The following HIP1 variants were observed in gnomAD, a reference collection of about 807,000 sequenced individuals.
HIP1 encodes the protein huntingtin-interacting protein 1.
Under a neutral mutation model 147.6 loss-of-function variants are expected in HIP1, and 65 were observed. The ratio of observed to expected loss-of-function variants is 0.44; its 90% CI spans 0.36 to 0.54. The LOEUF (loss-of-function observed/expected upper bound fraction) is 0.54. Ranked by LOEUF, HIP1 falls within the 20% of genes least tolerant of loss-of-function variation. The probability of loss-of-function intolerance (pLI) is 0.00; values close to 1 mark genes in which losing one functional copy is unlikely to be tolerated. For missense variants in HIP1, 1,061 were observed against 1,299.6 expected, an observed-to-expected ratio of 0.82 and a Z score of 2.82; for synonymous variants, 479 against 504.0, an observed-to-expected ratio of 0.95 and a Z score of 0.67.
At position 75,655,969 on chromosome 7, in the gene HIP1, A is replaced by C. The variant is rs184607237; in HGVS notation, c.121-56722T>G. Among the ~76,000 whole-genome samples, 13 of 151,978 alleles carry C rather than the reference A, an allele frequency of 8.6e-5. 1 individual carries two copies. The South Asian group carries it at 1.7e-3, about 19-fold the overall frequency. ...CCATGTCTCTACCAAAAATACAAAA[A>C]TTAGCCAGGTGTGGTGGTGCGTGCC... is the stretch of plus-strand genomic sequence containing the variant. On this transcript the variant is annotated intron_variant, in intron 1 of 30. Coordinates refer to ENST00000336926, the MANE Select transcript of HIP1 (RefSeq NM_005338.7).
intron 1 of HIP1, among the ~76,000 whole-genome samples, chr7:75,613,730 C>T (rs1207993847): frequency 2.6e-5 from 4 of 152,214 alleles, no homozygotes; most frequent in African/African-American, 9.6e-5. Flanking sequence ...TGCCAACCAA[C>T]GTCCTCCACC....
intron 1 of HIP1, among the ~76,000 whole-genome samples, chr7:75,708,590 C>T (rs931853570): frequency 2.0e-5 from 3 of 151,950 alleles, no homozygotes; most frequent in African/African-American, 7.2e-5. Context: ...TTTCCCAGCA[C>T]TATCTGGTGA....
chr7:75,554,163 A>G lies in HIP1; in HGVS notation c.2108T>C (p.Ile703Thr), dbSNP rs1554492716. 3 of 1,614,082 alleles carry G rather than the reference A, an allele frequency of 1.9e-6. No individual in the cohort carries two copies. The highest frequency in any genetic ancestry group is 2.7e-5 in the African/African-American group (2 of 75,046). ...GAGGCAGGTGGTGGCACCATGAGCAATGGCGTCGCTGGTCAAGTGGGCCAG... is the reference window on the plus strand; with the variant it reads ...GAGGCAGGTGGTGGCACCATGAGCAGTGGCGTCGCTGGTCAAGTGGGCCAG... ...TLLAHLTSDA[I>T]AHGATTCLRA... The change falls in exon 21 of 31, where the codon ATT becomes ACT. Residue 703 changes from isoleucine to threonine, a missense_variant. Coordinates refer to ENST00000336926, the MANE Select transcript of HIP1 (RefSeq NM_005338.7).
At chr7:75,731,125 CTTAAG>C (rs1472805577) in intron 1 of HIP1, among the ~76,000 whole-genome samples, 1 of 152,072 alleles carries the variant, frequency 6.6e-6, no homozygotes, top group Non-Finnish European at 1.5e-5. Context: ...TAACTTCCTT[CTTAAG>C]TTTTCAATAC....
chr7:75,539,521 T>C (rs1794222294), intron 29 of HIP1, 90 bp from the exon 30 acceptor site: 1 of 1,051,560 alleles, frequency 9.5e-7, no homozygotes, highest in Non-Finnish European at 1.4e-6. Context: ...GGTCTTGTTC[T>C]GCTGCCCAGG....
intron 1 of HIP1, among the ~76,000 whole-genome samples, chr7:75,635,802 T>C (rs1204967948): frequency 6.6e-6 from 1 of 151,628 alleles, no homozygotes; most frequent in Non-Finnish European, 1.5e-5. Context: ...GTGGGTAGAT[T>C]GCTTGAGCCC....
chr7:75,574,590 A>G (rs1263801481), intron 7 of HIP1, among the ~76,000 whole-genome samples: 2 of 46,350 alleles, frequency 4.3e-5, no homozygotes, highest in African/African-American at 1.0e-4. Context: ...ACACCATCTC[A>G]AAAAAAAAAA....
chr7:75,613,084 G>GTC (rs1480703978), intron 1 of HIP1, among the ~76,000 whole-genome samples: 1 of 133,828 alleles, frequency 7.5e-6, no homozygotes, highest in African/African-American at 3.8e-5. Context: ...TCCAACTTGG[G>GTC]TCACACACAC....
chr7:75,703,353 TA>T (rs377684666), intron 1 of HIP1, among the ~76,000 whole-genome samples: 2 of 148,840 alleles, frequency 1.3e-5, no homozygotes, highest in Non-Finnish European at 3.0e-5. Context: ...GTCTCAAAAA[TA>T]AAAAAAAGCC....
rs540350648 is a variant in HIP1 at position 75,682,548 on chromosome 7, CG to C, written c.120+56252del. Among the ~76,000 whole-genome samples, 657 of 151,412 alleles carry C rather than the reference CG, an allele frequency of 4.3e-3. 2 individuals are homozygous for C. Among genetic ancestry groups the C allele is most frequent in the Non-Finnish European group, 7.7e-3 (523 of 67,956 alleles). ...GTGCTGAGATGACGGGATTGAGCCA[CG>C]GTGCCTGGCCAACATCCTCATTTTA... On this transcript the variant is annotated intron_variant, in intron 1 of 30. Transcript: ENST00000336926.
At chr7:75,720,357 C>T (rs1334614637) in intron 1 of HIP1, among the ~76,000 whole-genome samples, 1 of 151,994 alleles carries the variant, frequency 6.6e-6, no homozygotes, top group Non-Finnish European at 1.5e-5. Context: ...GATGGGGTTT[C>T]ACCGTGTTGG....
At chr7:75,689,777 C>A (rs571434317) in intron 1 of HIP1, among the ~76,000 whole-genome samples, 20 of 152,094 alleles carry the variant, frequency 1.3e-4, no homozygotes, top group Non-Finnish European at 2.5e-4. Context: ...TCTCTCTGAG[C>A]AACCTCAGCC....
chr7:75,730,837 C>T (rs577883642), intron 1 of HIP1, among the ~76,000 whole-genome samples: 2 of 148,016 alleles, frequency 1.4e-5, no homozygotes, highest in African/African-American at 5.0e-5. Context: ...CGGGTTCAAG[C>T]GATCCTCCTG....
At chr7:75,596,150 G>A (rs1554501921) in intron 2 of HIP1, among the ~76,000 whole-genome samples, 1 of 146,912 alleles carries the variant, frequency 6.8e-6, no homozygotes. Flanking sequence ...AGGATCACTT[G>A]AGCCTAAAAG....
intron 4 of HIP1, among the ~76,000 whole-genome samples, chr7:75,590,749 G>A (rs1384778481): frequency 6.6e-6 from 1 of 152,100 alleles, no homozygotes; most frequent in African/African-American, 2.4e-5. Context: ...CTAACAAAAA[G>A]GAAAAAGACC....
chr7:75,670,720 CT>C lies in HIP1; in HGVS notation c.120+68080del, dbSNP rs200983593. On this transcript the variant is annotated intron_variant, in intron 1 of 30. Coordinates refer to ENST00000336926, the MANE Select transcript of HIP1 (RefSeq NM_005338.7). ...CTTTGACCTCCTGGGCTCAAGCAAT[CT>C]TCCCACCTCAGCCTCCAAAGTAGCT... Among the ~76,000 whole-genome samples the C allele has an allele frequency of 7.7e-3, 1,174 of 151,920 alleles. 21 individuals are homozygous for C. Among genetic ancestry groups the C allele is most frequent in the African/African-American group, 0.027 (1,102 of 41,408 alleles).
chr7:75,668,800 T>C (rs1184041554), intron 1 of HIP1, among the ~76,000 whole-genome samples: 2 of 152,234 alleles, frequency 1.3e-5, no homozygotes, highest in Non-Finnish European at 2.9e-5. Context: ...TTTTTAAAAC[T>C]GAGATATAAC....
At chr7:75,586,133 A>G (rs1554499590) in intron 5 of HIP1, among the ~76,000 whole-genome samples, 2 of 152,064 alleles carry the variant, frequency 1.3e-5, no homozygotes, top group African/African-American at 4.8e-5. Context: ...TTTTATTAAC[A>G]GTAAAATCAA....
chr7:75,665,901 G>A (rs1554514567), intron 1 of HIP1, among the ~76,000 whole-genome samples: 1 of 152,022 alleles, frequency 6.6e-6, no homozygotes, highest in East Asian at 1.9e-4. Flanking sequence ...GTATGCTTTA[G>A]GAAGCCTTCC....
Sources: allele counts gnomAD v4.1 joint callset (sites outside exome capture counted in the v4.1 genomes callset), GRCh38; gene constraint gnomAD v4.1.1; transcripts MANE v1.5; gene names NCBI Gene and HGNC (gene_info 2026-07-23, HGNC 2026-07-21).